The following DRD2 variants were observed in gnomAD, a reference collection of about 807,000 sequenced individuals.
DRD2 encodes D(2) dopamine receptor.
Under a neutral mutation model 38.0 loss-of-function variants are expected in DRD2, and 8 were observed. That is an observed-to-expected ratio of 0.21 (90% CI 0.12 to 0.38). The LOEUF (loss-of-function observed/expected upper bound fraction) is 0.38. DRD2 is among the 10% of genes least tolerant of loss of function. The pLI is 1.00. For synonymous variants in DRD2, 230 were observed against 238.6 expected (o/e 0.96, Z 0.33); for missense variants, 403 against 607.7 (o/e 0.66, Z 3.54).
intron 1 of DRD2, among the ~76,000 whole-genome samples, chr11:113,456,472 C>T (rs1418754807): frequency 6.6e-6 from 1 of 152,110 alleles, no homozygotes; most frequent in Non-Finnish European, 1.5e-5. Flanking sequence ...GTTAATTAGC[C>T]TCATTTGCTC....
chr11:113,429,355 C>T (rs1950966193), intron 1 of DRD2, among the ~76,000 whole-genome samples: 1 of 152,160 alleles, frequency 6.6e-6, no homozygotes, highest in Non-Finnish European at 1.5e-5. Context: ...CGCCATTCTC[C>T]TGCCTCAGCC....
At chr11:113,471,578 T>C (rs1217907296) in intron 1 of DRD2, among the ~76,000 whole-genome samples, 3 of 152,154 alleles carry the variant, frequency 2.0e-5, no homozygotes, top group Non-Finnish European at 4.4e-5. Context: ...CTGCTGCCCA[T>C]GGTTTCCGAG....
chr11:113,462,254 C>T (rs1367027000), intron 1 of DRD2, among the ~76,000 whole-genome samples: 2 of 152,174 alleles, frequency 1.3e-5, no homozygotes, highest in Non-Finnish European at 2.9e-5. Flanking sequence ...CAGGAAGCTC[C>T]CTTACAGGAG....
chr11:113,417,148 C>T (rs1950835672), intron 3 of DRD2, 149 bp from the exon 4 acceptor site: 1 of 1,174,370 alleles, frequency 8.5e-7, no homozygotes, highest in Non-Finnish European at 1.2e-6. Context: ...CTCAACCCTC[C>T]CTCCTGTCCC....
intron 4 of DRD2, 147 bp from the exon 5 acceptor site, chr11:113,415,758 CT>C: frequency 1.1e-6 from 1 of 884,398 alleles, no homozygotes; most frequent in African/African-American, 1.7e-5. Context: ...GCCTGGTCAT[CT>C]TAGATATACA....
chr11:113,415,501 C>G lies in DRD2; in HGVS notation c.643G>C (p.Val215Leu), dbSNP rs1202800601. 1 of 1,614,042 alleles carries G rather than the reference C, an allele frequency of 6.2e-7. No homozygotes were observed. Among genetic ancestry groups the G allele is most frequent in the Admixed American group, 1.7e-5 (1 of 60,016 alleles). ...TLLVYIKIYI[V>L]LRRRRKRVNT... ...ACTCGCTTGCGGCGTCTGCGGAGGA[C>G]AATGTAGATCTTGATGTAGACCAGC... The change falls in exon 5 of 8, where the codon GTC (valine) becomes CTC (leucine). Residue 215 changes from valine to leucine, a missense_variant. By Grantham distance (32) the Val-to-Leu change is conservative (BLOSUM62 1). Transcript: ENST00000362072.
chr11:113,413,167 A>G (rs1452896467), intron 6 of DRD2, among the ~76,000 whole-genome samples: 1 of 152,144 alleles, frequency 6.6e-6, no homozygotes, highest in Admixed American at 6.5e-5. Context: ...TCATGGCCTG[A>G]GCAACACTTA....
At chr11:113,437,361 C>T (rs1342416836) in intron 1 of DRD2, among the ~76,000 whole-genome samples, 1 of 151,266 alleles carries the variant, frequency 6.6e-6, no homozygotes, top group Non-Finnish European at 1.5e-5. Flanking sequence ...GTCCGAGGCA[C>T]ATCTACACGG....
chr11:113,458,188 T>C (rs1018074789), intron 1 of DRD2, among the ~76,000 whole-genome samples: 2 of 152,270 alleles, frequency 1.3e-5, no homozygotes, highest in African/African-American at 2.4e-5. Context: ...GCAATTTTTA[T>C]ATATAAACAC....
intron 1 of DRD2, among the ~76,000 whole-genome samples, chr11:113,457,557 A>G (rs1951278902): frequency 6.6e-6 from 1 of 152,022 alleles, no homozygotes; most frequent in Non-Finnish European, 1.5e-5. Flanking sequence ...TGAGCTCCAG[A>G]ATCCCCTCTC....
intron 1 of DRD2, among the ~76,000 whole-genome samples, chr11:113,453,770 T>G (rs1275740805): frequency 2.0e-5 from 3 of 152,104 alleles, no homozygotes; most frequent in Non-Finnish European, 4.4e-5. Flanking sequence ...CAGGGCTGGG[T>G]CACATGATTT....
chr11:113,421,780 G>A (rs919070833), intron 2 of DRD2, among the ~76,000 whole-genome samples: 1 of 152,146 alleles, frequency 6.6e-6, no homozygotes, highest in Non-Finnish European at 1.5e-5. Context: ...AGGGCAGGGT[G>A]AGACGTCACC....
intron 1 of DRD2, among the ~76,000 whole-genome samples, chr11:113,436,120 G>A (rs1951033508): frequency 6.6e-6 from 1 of 152,156 alleles, no homozygotes; most frequent in Admixed American, 6.5e-5. Context: ...TGGCAAAGGC[G>A]ATGGGAGGCC....
chr11:113,466,431 C>A (rs897278956), intron 1 of DRD2, among the ~76,000 whole-genome samples: 3 of 51,388 alleles, frequency 5.8e-5, no homozygotes, highest in Non-Finnish European at 1.6e-4. Context: ...ACAGCCCCCC[C>A]AGTGCATTTT....
At chr11:113,423,491 G>A (rs890954578) in intron 2 of DRD2, among the ~76,000 whole-genome samples, 2 of 152,148 alleles carry the variant, frequency 1.3e-5, no homozygotes, top group Non-Finnish European at 2.9e-5. Context: ...GGCCAGGCTG[G>A]TCTTGAACTC....
intron 1 of DRD2, among the ~76,000 whole-genome samples, chr11:113,432,035 C>T (rs987248283): frequency 3.3e-5 from 5 of 152,158 alleles, no homozygotes; most frequent in Admixed American, 6.5e-5. Context: ...CCCAGTCACG[C>T]CCCAAAACTG....
At chr11:113,452,463 T>TGCGCGC (rs1555167757) in intron 1 of DRD2, among the ~76,000 whole-genome samples, 1 of 89,668 alleles carries the variant, frequency 1.1e-5, no homozygotes, top group African/African-American at 3.7e-5. Flanking sequence ...TGTGTGTGTG[T>TGCGCGC]GTGTGTGCGC....
At chr11:113,430,690 C>T (rs561055412) in intron 1 of DRD2, among the ~76,000 whole-genome samples, 1 of 152,284 alleles carries the variant, frequency 6.6e-6, no homozygotes, top group South Asian at 2.1e-4. Flanking sequence ...GCTTCTCCAT[C>T]CTGGCTGGAG....
At chr11:113,419,945 C>T (rs966210188) in intron 2 of DRD2, among the ~76,000 whole-genome samples, 9 of 152,230 alleles carry the variant, frequency 5.9e-5, no homozygotes, top group African/African-American at 1.9e-4. Context: ...CAGGGCCTCT[C>T]TCCCAGCTCC....
Sources: allele counts gnomAD v4.1 joint callset (sites outside exome capture counted in the v4.1 genomes callset), GRCh38; gene constraint gnomAD v4.1.1; transcripts MANE v1.5; gene names NCBI Gene and HGNC (gene_info 2026-07-23, HGNC 2026-07-21).